Variants in POM121C observed in about 807,000 individuals in gnomAD.
The protein encoded by POM121C is POM121 transmembrane nucleoporin C.
POM121C carries 20 observed loss-of-function variants against 66.4 expected under a neutral mutation model. That is an observed-to-expected ratio of 0.30 (90% CI 0.21 to 0.44). The LOEUF (loss-of-function observed/expected upper bound fraction) is 0.44, where lower values mean the gene tolerates loss of function less well. POM121C is among the 20% of genes least tolerant of loss of function. The pLI, the probability that POM121C is intolerant of heterozygous loss-of-function variation, is 1.00. For synonymous variants in POM121C, 286 were observed against 528.0 expected (o/e 0.54, Z 6.28); for missense variants, 580 against 1,225.7 (o/e 0.47, Z 7.87).
chr7:75,416,924 AGT>A lies in POM121C; in HGVS notation c.*1870_*1871del. 3 of 1,426,916 alleles carry A rather than the reference AGT, an allele frequency of 2.1e-6. No individual in the cohort carries two copies. Among genetic ancestry groups the A allele is most frequent in the Middle Eastern group, 2.5e-4 (1 of 3,978 alleles). The allele number at this position is 1,426,916 out of a possible 1,614,324, so 88.4% of individuals were successfully genotyped here. ...AAGTCCCAGCCTCCCGCTGCCGTCC[AGT>A]GTGTGTACTGTACACATCCACACTC... On this transcript the variant is annotated 3_prime_UTR_variant, in exon 15 of 15. Coordinates refer to ENST00000615331, the MANE Select transcript of POM121C (RefSeq NM_001099415.3).
intron 3 of POM121C, among the ~76,000 whole-genome samples, chr7:75,461,937 C>T (rs1448163223): frequency 6.7e-6 from 1 of 149,484 alleles, no homozygotes; most frequent in Admixed American, 6.7e-5. Context: ...TGACTGGTAT[C>T]AGCAAAAATG....
At chr7:75,435,492 T>C (rs1387380764) in intron 7 of POM121C, among the ~76,000 whole-genome samples, 1 of 152,226 alleles carries the variant, frequency 6.6e-6, no homozygotes, top group Admixed American at 6.5e-5. Context: ...ACAACAAGTA[T>C]TTTATGTAAT....
intron 3 of POM121C, among the ~76,000 whole-genome samples, chr7:75,456,312 G>A (rs1375308941): frequency 6.6e-6 from 1 of 152,268 alleles, no homozygotes; most frequent in African/African-American, 2.4e-5. Context: ...GGGAGTTTGG[G>A]TTATCTTTTA....
chr7:75,476,981 T>C (rs1297186403), intron 1 of POM121C, among the ~76,000 whole-genome samples: 1 of 151,972 alleles, frequency 6.6e-6, no homozygotes, highest in Non-Finnish European at 1.5e-5. Context: ...TAGAAACTGA[T>C]GGATACTTCA....
chr7:75,449,386 A>G (rs1407313863), intron 3 of POM121C, among the ~76,000 whole-genome samples: 2 of 145,130 alleles, frequency 1.4e-5, no homozygotes, highest in Admixed American at 1.4e-4. Context: ...TTTTTTTGAG[A>G]CTGAGTCTCA....
Position 75,442,850 on chromosome 7 carries a change from A to C in POM121C, c.-151-1203T>G, listed in dbSNP as rs1370868671. ...GCTACAGCCCGGCAGCTCCCGAGAC[A>C]CAGCTGTTTTGGAAAATGCTGCCTG... On this transcript the variant is annotated intron_variant, in intron 3 of 14. Transcript: ENST00000615331. 5.4e-6 allele frequency: 6 copies of C among 1,107,514 alleles called. No individual in the cohort carries two copies. The Admixed American group carries it at 2.6e-4, about 48-fold the overall frequency. The allele number at this position is 1,107,514 out of a possible 1,614,324, so 68.6% of individuals were successfully genotyped here.
chr7:75,417,710 T>C lies in POM121C; in HGVS notation c.*1086A>G. ...AGAAACCGCAGAGGGAAGAGGTCTT[T>C]GCTTCCCCTGGGCCCATTCTCCCTG... On this transcript the variant is annotated 3_prime_UTR_variant, in exon 15 of 15. Coordinates refer to ENST00000615331, the MANE Select transcript of POM121C (RefSeq NM_001099415.3). 3.0e-6 allele frequency: 3 copies of C among 985,662 alleles called. No homozygotes were observed. Among genetic ancestry groups the C allele is most frequent in the Non-Finnish European group, 3.6e-6 (3 of 829,878 alleles). The allele number at this position is 985,662 out of a possible 1,614,324, so 61.1% of individuals were successfully genotyped here.
At chr7:75,473,481 G>C (rs1554478920) in intron 3 of POM121C, among the ~76,000 whole-genome samples, 1 of 152,100 alleles carries the variant, frequency 6.6e-6, no homozygotes, top group Non-Finnish European at 1.5e-5. Context: ...TCACAAATGA[G>C]CATTGGGGAA....
chr7:75,463,046 G>C (rs587687546), intron 3 of POM121C, among the ~76,000 whole-genome samples: 1 of 152,162 alleles, frequency 6.6e-6, no homozygotes, highest in Non-Finnish European at 1.5e-5. Flanking sequence ...GACTGGGCCG[G>C]GTGCGGTGGC....
intron 1 of POM121C, chr7:75,484,286 C>T (rs2116563376): frequency 7.4e-7 from 1 of 1,353,646 alleles, no homozygotes; most frequent in South Asian, 1.2e-5. Flanking sequence ...TCACTGAAGT[C>T]ATGAGGGCTC....
chr7:75,417,054 T>C lies in POM121C; in HGVS notation c.*1742A>G, dbSNP rs1789493652. On this transcript the variant is annotated 3_prime_UTR_variant, in exon 15 of 15. Transcript: ENST00000615331. ...GGGTCTACCTTACATAAGGTACAGG[T>C]AGAAGCTTGATTGCTAGGCCCAGGC... The C allele has an allele frequency of 9.1e-7, 1 of 1,097,000 alleles. No individual in the cohort carries two copies. Among genetic ancestry groups the C allele is most frequent in the Admixed American group, 5.4e-5 (1 of 18,488 alleles). 68.0% of individuals were successfully genotyped at this position (1,097,000 alleles called of 1,614,324 possible).
chr7:75,481,871 TAGC>T (rs1245525171), intron 1 of POM121C, among the ~76,000 whole-genome samples: 10 of 152,062 alleles, frequency 6.6e-5, no homozygotes, highest in Non-Finnish European at 1.5e-4. Flanking sequence ...ATGGTAGAAT[TAGC>T]AGATCACCAT....
chr7:75,468,315 T>A (rs1372472319), intron 3 of POM121C, among the ~76,000 whole-genome samples: 1 of 129,508 alleles, frequency 7.7e-6, no homozygotes, highest in Non-Finnish European at 1.7e-5. Flanking sequence ...GACTCCAGCT[T>A]TTTTTTTTTT....
intron 1 of POM121C, among the ~76,000 whole-genome samples, chr7:75,477,643 C>T (rs188855897): frequency 6.6e-6 from 1 of 152,026 alleles, no homozygotes; most frequent in Non-Finnish European, 1.5e-5. Flanking sequence ...TAAAACTGGA[C>T]CCAGGCCAGG....
intron 3 of POM121C, among the ~76,000 whole-genome samples, chr7:75,447,661 C>G (rs1790869970): frequency 6.6e-6 from 1 of 151,736 alleles, no homozygotes; most frequent in Non-Finnish European, 1.5e-5. Flanking sequence ...CTGAGCTGGG[C>G]AGATTGCTTG....
intron 3 of POM121C, among the ~76,000 whole-genome samples, chr7:75,472,846 G>T (rs1791928785): frequency 6.6e-6 from 1 of 151,458 alleles, no homozygotes; most frequent in Admixed American, 6.6e-5. Context: ...GGAAGGGAGG[G>T]AGGGAAGAGA....
chr7:75,469,914 C>T lies in POM121C; in HGVS notation c.-152+4790G>A, dbSNP rs587637807. Among the ~76,000 whole-genome samples, 3 of 152,318 alleles carry T rather than the reference C, an allele frequency of 2.0e-5. No individual in the cohort carries two copies. The East Asian group carries it at 5.8e-4, about 29-fold the overall frequency. The stretch of plus-strand genomic sequence containing the variant: ...GTAATCACTTCCCACTCCCAAGGAA[C>T]TTTTTTCCCCTCACAGTAATTGTCA... On this transcript the variant is annotated intron_variant, in intron 3 of 14. Transcript: ENST00000615331.
intron 7 of POM121C, among the ~76,000 whole-genome samples, chr7:75,428,226 G>A (rs1464491513): frequency 6.6e-6 from 1 of 151,556 alleles, no homozygotes; most frequent in Non-Finnish European, 1.5e-5. Context: ...TGCAACCTCC[G>A]CCTCCCTGGT....
At chr7:75,433,413 T>G (rs1237676152) in intron 7 of POM121C, among the ~76,000 whole-genome samples, 3 of 151,602 alleles carry the variant, frequency 2.0e-5, no homozygotes, top group African/African-American at 7.3e-5. Flanking sequence ...TGGAGTGTAG[T>G]GGCGCGGTCT....
Sources: gnomAD v4.1 joint callset for allele counts (sites outside exome capture counted in the v4.1 genomes callset) on GRCh38, gnomAD v4.1.1 for gene constraint, MANE v1.5 for transcripts, NCBI Gene and HGNC (gene_info 2026-07-23, HGNC 2026-07-21) for gene names.